SCHIP1: variants seen among roughly 807,000 people sequenced by gnomAD.
The protein encoded by SCHIP1 is schwannomin interacting protein 1.
In SCHIP1, 8 loss-of-function variants were observed where a neutral mutation model predicts 29.7. That is an observed-to-expected ratio of 0.27 (90% CI 0.16 to 0.49). The LOEUF is 0.49. Among genes scored for constraint, SCHIP1 ranks in the 20% least tolerant of loss-of-function variants. The pLI is 0.99. For missense variants in SCHIP1, 193 were observed against 294.6 expected (o/e 0.66, Z 2.52); for synonymous variants, 76 against 94.9 (o/e 0.80, Z 1.16).
chr3:159,815,696 A>T, the SCHIP1 span, among the ~76,000 whole-genome samples: 1 of 152,094 alleles, frequency 6.6e-6, no homozygotes, highest in Non-Finnish European at 1.5e-5. Context: ...GTAACTCATC[A>T]TCATCTTCTC....
chr3:159,742,220 G>A, the SCHIP1 span, among the ~76,000 whole-genome samples: 83 of 152,150 alleles, frequency 5.5e-4, 1 homozygote, highest in African/African-American at 1.8e-3. Flanking sequence ...GTGAGACTCC[G>A]TCTCAAAAAA....
At chr3:159,526,880 G>A in the SCHIP1 span, among the ~76,000 whole-genome samples, 2 of 152,204 alleles carry the variant, frequency 1.3e-5, no homozygotes, top group Admixed American at 1.3e-4. Context: ...GCTCAGTGTA[G>A]ACTGGTGGTC....
the SCHIP1 span, among the ~76,000 whole-genome samples, chr3:159,512,756 G>A: frequency 6.6e-6 from 1 of 152,034 alleles, no homozygotes; most frequent in African/African-American, 2.4e-5. Flanking sequence ...AGTTATTATC[G>A]ACTATAGTCA....
At chr3:159,312,520 T>C in the SCHIP1 span, among the ~76,000 whole-genome samples, 7 of 152,324 alleles carry the variant, frequency 4.6e-5, no homozygotes, top group East Asian at 7.7e-4. Flanking sequence ...AAACTCAATT[T>C]CATTATCCCA....
the SCHIP1 span, among the ~76,000 whole-genome samples, chr3:159,626,301 T>TAGA: frequency 6.1e-5 from 8 of 130,168 alleles, no homozygotes; most frequent in Admixed American, 1.5e-4. Context: ...GATAGATAGA[T>TAGA]TTTTTTTTAC....
At chr3:159,426,462 C>T in the SCHIP1 span, among the ~76,000 whole-genome samples, 1 of 152,172 alleles carries the variant, frequency 6.6e-6, no homozygotes, top group Non-Finnish European at 1.5e-5. Flanking sequence ...TCAACACATA[C>T]ACTCTCCCAA....
chr3:159,855,027 C>A (rs1713182101), intron 1 of SCHIP1, among the ~76,000 whole-genome samples: 1 of 152,148 alleles, frequency 6.6e-6, no homozygotes, highest in South Asian at 2.1e-4. Flanking sequence ...CATTATCTAA[C>A]AAAGGCAGTA....
the SCHIP1 span, among the ~76,000 whole-genome samples, chr3:159,715,645 G>C: frequency 6.6e-6 from 1 of 152,040 alleles, no homozygotes; most frequent in Non-Finnish European, 1.5e-5. Context: ...TGGAAGAAAG[G>C]GTATCAGTGA....
chr3:159,353,840 A>G, the SCHIP1 span, among the ~76,000 whole-genome samples: 1 of 152,198 alleles, frequency 6.6e-6, no homozygotes, highest in Non-Finnish European at 1.5e-5. Flanking sequence ...TGGAAAATCC[A>G]AAGTTTTGGT....
the SCHIP1 span, among the ~76,000 whole-genome samples, chr3:159,322,632 T>C: frequency 6.6e-6 from 1 of 152,212 alleles, no homozygotes; most frequent in Non-Finnish European, 1.5e-5. Flanking sequence ...TATCACTAGA[T>C]AATTTATTCT....
the SCHIP1 span, among the ~76,000 whole-genome samples, chr3:159,598,049 C>T: frequency 6.6e-6 from 1 of 152,150 alleles, no homozygotes; most frequent in Non-Finnish European, 1.5e-5. Context: ...CACTCACTAT[C>T]ACAAGAACAG....
the SCHIP1 span, among the ~76,000 whole-genome samples, chr3:159,277,926 A>G: frequency 1.3e-5 from 2 of 152,072 alleles, no homozygotes; most frequent in Non-Finnish European, 2.9e-5. Flanking sequence ...AAGAAAAAAA[A>G]AAAAGGATGG....
chr3:159,396,985 C>G, the SCHIP1 span, among the ~76,000 whole-genome samples: 2 of 143,336 alleles, frequency 1.4e-5, no homozygotes, highest in African/African-American at 4.9e-5. Flanking sequence ...GGTCTTTTCA[C>G]ATAGTCCCAT....
At chr3:159,842,554 T>TA (rs1282770247) in intron 1 of SCHIP1, among the ~76,000 whole-genome samples, 1 of 152,070 alleles carries the variant, frequency 6.6e-6, no homozygotes, top group Non-Finnish European at 1.5e-5. Flanking sequence ...CTGCTCAGAG[T>TA]AAAAATCCAA....
At chr3:159,761,810 G>T in the SCHIP1 span, among the ~76,000 whole-genome samples, 10 of 152,110 alleles carry the variant, frequency 6.6e-5, no homozygotes, top group Admixed American at 2.0e-4. Flanking sequence ...ATTTTTCTTA[G>T]GCCTTATTTT....
chr3:159,627,532 C>T, the SCHIP1 span, among the ~76,000 whole-genome samples: 8 of 152,100 alleles, frequency 5.3e-5, no homozygotes, highest in Non-Finnish European at 1.0e-4. Flanking sequence ...AAAATAATTG[C>T]CCAAGAGCTA....
the SCHIP1 span, among the ~76,000 whole-genome samples, chr3:159,500,678 C>T: frequency 6.6e-6 from 1 of 151,524 alleles, no homozygotes; most frequent in Non-Finnish European, 1.5e-5. Flanking sequence ...TGTGTCACTG[C>T]CCTCCAGCCT....
chr3:159,570,283 C>T, the SCHIP1 span, among the ~76,000 whole-genome samples: 1 of 152,156 alleles, frequency 6.6e-6, no homozygotes, highest in African/African-American at 2.4e-5. Flanking sequence ...TTAGGTCTAA[C>T]ATTTAAGTCT....
chr3:159,781,854 G>A, the SCHIP1 span, among the ~76,000 whole-genome samples: 1 of 152,208 alleles, frequency 6.6e-6, no homozygotes, highest in African/African-American at 2.4e-5. Flanking sequence ...AGGACCAGTA[G>A]CCTTCATACC....
Sources: gnomAD v4.1 joint callset for allele counts (sites outside exome capture counted in the v4.1 genomes callset) on GRCh38, gnomAD v4.1.1 for gene constraint, MANE v1.5 for transcripts, NCBI Gene and HGNC (gene_info 2026-07-23, HGNC 2026-07-21) for gene names.